The following HHLA2 variants were observed in gnomAD, a reference collection of about 807,000 sequenced individuals.
HHLA2 encodes the protein HHLA2 member of B7 family, also known as HERV-H LTR-associating protein 2.
HHLA2 carries 48 observed loss-of-function variants against 45.9 expected under a neutral mutation model. The observed-to-expected ratio is 1.05, with a 90% CI of 0.83 to 1.33. The LOEUF (loss-of-function observed/expected upper bound fraction) is 1.33. HHLA2 is among the 40% of genes most tolerant of loss of function. HHLA2 has a pLI of 0.00. For synonymous variants in HHLA2, 161 were observed against 173.9 expected, an observed-to-expected ratio of 0.93 and a Z score of 0.59; for missense variants, 462 against 494.3, an observed-to-expected ratio of 0.93 and a Z score of 0.62.
intron 3 of HHLA2, 49 bp from the exon 3 acceptor site, chr3:108,351,739 C>A: frequency 8.5e-7 from 1 of 1,174,334 alleles, no homozygotes; most frequent in Non-Finnish European, 1.3e-6. Flanking sequence ...TTCCAATTCC[C>A]TTTTGCATTT....
chr3:108,318,202 A>G (rs55829827), intron 2 of HHLA2, among the ~76,000 whole-genome samples: 28,209 of 150,456 alleles, frequency 0.19, 3,222 homozygotes, highest in East Asian at 0.53. Context: ...AAAAAATTCA[A>G]TATTAGCTTT....
At chr3:108,314,252 G>C (rs866070998) in intron 2 of HHLA2, among the ~76,000 whole-genome samples, 23 of 151,350 alleles carry the variant, frequency 1.5e-4, no homozygotes, top group African/African-American at 5.1e-4. Context: ...GAGATTGGGG[G>C]AACAACTGTA....
At chr3:108,340,551 A>G (rs867633225) in intron 3 of HHLA2, among the ~76,000 whole-genome samples, 14 of 152,346 alleles carry the variant, frequency 9.2e-5, no homozygotes, top group South Asian at 4.1e-4. Flanking sequence ...CTTGATTTAT[A>G]TAAACAGACC....
Position 108,377,228 on chromosome 3 carries a change from A to C in HHLA2, c.1225-30A>C, listed in dbSNP as rs147822650. 98 of 1,423,282 alleles carry C rather than the reference A, an allele frequency of 6.9e-5. No homozygotes were observed. The African/African-American group carries it at 1.2e-3, about 18-fold the overall frequency. 88.2% of individuals were successfully genotyped at this position (1,423,282 alleles called of 1,614,324 possible). A position where few individuals can be genotyped will look rare whatever the true frequency, so the allele number is the denominator to read the frequency against. Reference sequence around the variant, plus strand: ...ATGGTTATTCTGACTTGAACAACAGACATTTAGAGTCTATTTTTCTTGCTT... The same window carrying C: ...ATGGTTATTCTGACTTGAACAACAGCCATTTAGAGTCTATTTTTCTTGCTT... On this transcript the variant is annotated intron_variant, in intron 10 of 10. Coordinates refer to ENST00000619531, the Ensembl canonical transcript of HHLA2.
At chr3:108,355,381 G>A in exon 6 of HHLA2, 1 of 1,611,914 alleles carries the variant, frequency 6.2e-7, no homozygotes, top group Non-Finnish European at 8.5e-7. Flanking sequence ...GACGATGAAA[G>A]GTAGGCTCCA....
chr3:108,353,373 T>G (rs915734735), intron 4 of HHLA2, 54 bp from the exon 4 acceptor site: 1 of 1,191,358 alleles, frequency 8.4e-7, no homozygotes, highest in Admixed American at 2.3e-5. Flanking sequence ...GGTATAATCC[T>G]GAACAAGCAC....
intron 2 of HHLA2, among the ~76,000 whole-genome samples, chr3:108,321,115 CTG>C (rs1391165182): frequency 2.4e-5 from 1 of 42,028 alleles, no homozygotes; most frequent in African/African-American, 7.0e-5. Context: ...AAAAAAAAGA[CTG>C]TGCCAAAGCA....
At chr3:108,354,366 T>C (rs1413724792) in intron 5 of HHLA2, among the ~76,000 whole-genome samples, 1 of 151,712 alleles carries the variant, frequency 6.6e-6, no homozygotes, top group African/African-American at 2.4e-5. Flanking sequence ...ACAGTTAATA[T>C]AACTATATAA....
intron 3 of HHLA2, among the ~76,000 whole-genome samples, chr3:108,348,819 C>A (rs2081720243): frequency 6.6e-6 from 1 of 150,378 alleles, no homozygotes; most frequent in Admixed American, 6.6e-5. Flanking sequence ...CCCTGACAGG[C>A]CCCGGTGTGT....
chr3:108,338,871 T>C (rs183296351), intron 3 of HHLA2, among the ~76,000 whole-genome samples: 1 of 152,176 alleles, frequency 6.6e-6, no homozygotes, highest in East Asian at 1.9e-4. Flanking sequence ...TGGGCATTCA[T>C]AAATGTCCCC....
intron 3 of HHLA2, among the ~76,000 whole-genome samples, chr3:108,350,845 C>A (rs896062286): frequency 2.6e-5 from 4 of 152,078 alleles, no homozygotes; most frequent in African/African-American, 7.2e-5. Flanking sequence ...CCACCACACC[C>A]GGCTAATTTT....
intron 3 of HHLA2, chr3:108,328,487 A>T (rs1392132877): frequency 1.6e-6 from 1 of 610,806 alleles, no homozygotes; most frequent in Admixed American, 3.5e-5. Flanking sequence ...TTGGAGGTGA[A>T]TATTATTATC....
rs75813693 is a variant in HHLA2 at position 108,345,340 on chromosome 3, C to G, written c.-26-6448C>G. Among the ~76,000 whole-genome samples, 8 of 152,272 alleles carry G rather than the reference C, an allele frequency of 5.3e-5. No individual in the cohort carries two copies. In the East Asian group the frequency reaches 1.5e-3, roughly 29 times the overall value. On this transcript the variant is annotated intron_variant, in intron 3 of 10. Transcript: ENST00000619531. The stretch of plus-strand genomic sequence containing the variant: ...CCAAAGAAGGCTGAAGTTATGTGAG[C>G]AGGTAGCAGCAGCTAAGCAACACAT...
At position 108,344,969 on chromosome 3, in the gene HHLA2, A is replaced by G. The variant is rs531787085; in HGVS notation, c.-26-6819A>G. On this transcript the variant is annotated intron_variant, in intron 3 of 10. Coordinates refer to ENST00000619531, the Ensembl canonical transcript of HHLA2. ...GAAAATGGTCCCTGGAAGCAGGAGTAGTTCCCTGGACTTTACCCCACCTTG... is the reference window on the plus strand; with the variant it reads ...GAAAATGGTCCCTGGAAGCAGGAGTGGTTCCCTGGACTTTACCCCACCTTG... Among the ~76,000 whole-genome samples the G allele has an allele frequency of 3.3e-5, 5 of 152,338 alleles. No homozygotes were observed. The South Asian group carries it at 1.0e-3, about 32-fold the overall frequency.
In HHLA2 at chr3:108,375,393, G is replaced by A. The variant is rs1011753430; in HGVS notation, c.1109-357G>A. The stretch of plus-strand genomic sequence containing the variant: ...ACCTAATGCTAAATGATGATTTAAT[G>A]GGTGCAGCACACCAACATGGCACAT... On this transcript the variant is annotated intron_variant, in intron 8 of 10. Coordinates refer to ENST00000619531, the Ensembl canonical transcript of HHLA2. 7.9e-5 allele frequency among the ~76,000 whole-genome samples: 12 copies of A among 151,730 alleles called. No individual in the cohort carries two copies. In the East Asian group the frequency reaches 1.9e-3, roughly 24 times the overall value.
Position 108,362,323 on chromosome 3 carries a change from T to G in HHLA2, c.1004-19T>G. The G allele has an allele frequency of 6.3e-7, 1 of 1,576,092 alleles. No individual in the cohort carries two copies. Among genetic ancestry groups the G allele is most frequent in the South Asian group, 1.1e-5 (1 of 88,182 alleles). ...TTTTCTTCCAGTTCACAGACTTTGT[T>G]TCTCCTTTTTTTTTTTAGAACCGAG... is the stretch of plus-strand genomic sequence containing the variant. On this transcript the variant is annotated intron_variant, in intron 7 of 10. Coordinates refer to ENST00000619531, the Ensembl canonical transcript of HHLA2.
intron 3 of HHLA2, among the ~76,000 whole-genome samples, chr3:108,344,887 A>G (rs1374765177): frequency 6.6e-6 from 1 of 152,170 alleles, no homozygotes; most frequent in African/African-American, 2.4e-5. Flanking sequence ...ATTAAGGAGG[A>G]TTATATTATC....
At chr3:108,340,912 C>T (rs202079212) in intron 3 of HHLA2, among the ~76,000 whole-genome samples, 7 of 63,952 alleles carry the variant, frequency 1.1e-4, no homozygotes, top group African/African-American at 4.5e-4. Flanking sequence ...TTTTTTTTTC[C>T]TTCCTTCCTT....
chr3:108,338,387 A>T (rs1439684239), intron 3 of HHLA2, among the ~76,000 whole-genome samples: 1 of 152,128 alleles, frequency 6.6e-6, no homozygotes, highest in Non-Finnish European at 1.5e-5. Flanking sequence ...ATTACATAGA[A>T]TAGCAGGTTA....
Sources: allele counts gnomAD v4.1 joint callset (sites outside exome capture counted in the v4.1 genomes callset), GRCh38; gene constraint gnomAD v4.1.1; transcripts MANE v1.5; gene names NCBI Gene and HGNC (gene_info 2026-07-23, HGNC 2026-07-21).